The following ANK3 variants were observed in gnomAD, a reference collection of about 807,000 sequenced individuals.
The protein encoded by ANK3 is ankyrin 3.
A neutral mutation model predicts 370.9 loss-of-function variants in ANK3; 57 were observed. The observed-to-expected ratio is 0.15, with a 90% CI of 0.12 to 0.19. The LOEUF is 0.19. Ranked by LOEUF, ANK3 falls within the 10% of genes least tolerant of loss-of-function variation. The probability of loss-of-function intolerance (pLI) is 1.00; values close to 1 mark genes in which losing one functional copy is unlikely to be tolerated. For synonymous variants in ANK3, 1,929 were observed against 1,946.3 expected (o/e 0.99, Z 0.23); for missense variants, 4,439 against 5,302.1 (o/e 0.84, Z 5.06).
chr10:60,368,511 G>A (rs1370298783), intron 1 of ANK3, among the ~76,000 whole-genome samples: 1 of 152,068 alleles, frequency 6.6e-6, no homozygotes, highest in Non-Finnish European at 1.5e-5. Flanking sequence ...TACATGTATT[G>A]ATCATCTACG....
intron 14 of ANK3, among the ~76,000 whole-genome samples, chr10:60,197,058 G>A (rs1297605394): frequency 6.6e-6 from 1 of 152,074 alleles, no homozygotes; most frequent in Non-Finnish European, 1.5e-5. Context: ...AAAATCCAGG[G>A]CAAGTCTGAA....
intron 2 of ANK3, among the ~76,000 whole-genome samples, chr10:60,447,484 T>C (rs1275141990): frequency 6.6e-6 from 1 of 152,160 alleles, no homozygotes; most frequent in Non-Finnish European, 1.5e-5. Flanking sequence ...GGGTCCGTGC[T>C]ACTCCAGTAG....
At chr10:60,651,965 GA>G (rs999062473) in intron 1 of ANK3, among the ~76,000 whole-genome samples, 12 of 152,088 alleles carry the variant, frequency 7.9e-5, no homozygotes, top group African/African-American at 2.6e-4. Flanking sequence ...ATAATTTTAA[GA>G]AAAAAATATT....
intron 1 of ANK3, among the ~76,000 whole-genome samples, chr10:60,650,796 T>C (rs545237401): frequency 6.6e-6 from 1 of 152,302 alleles, no homozygotes; most frequent in South Asian, 2.1e-4. Flanking sequence ...AAATATTATG[T>C]ATCTGGGCCC....
rs557736147 is a variant in ANK3, at chr10:60,359,978, A to G, written c.114+29447T>C. On this transcript the variant is annotated intron_variant, in intron 1 of 43. Transcript: ENST00000280772. The stretch of plus-strand genomic sequence containing the variant: ...TCTACTATTCGTTTCTAAAATTTCT[A>G]TTTGGCATCAGTACTCTCCAAACTT... Among the ~76,000 whole-genome samples, 10 of 152,360 alleles carry G rather than the reference A, an allele frequency of 6.6e-5. No homozygotes were observed. In the East Asian group the frequency reaches 1.9e-3, roughly 29 times the overall value.
At chr10:60,318,837 T>G (rs1357724718) in intron 1 of ANK3, among the ~76,000 whole-genome samples, 1 of 152,202 alleles carries the variant, frequency 6.6e-6, no homozygotes, top group Non-Finnish European at 1.5e-5. Flanking sequence ...CTTAAATAAC[T>G]GGATTAGAAA....
intron 8 of ANK3, among the ~76,000 whole-genome samples, chr10:60,224,885 C>T (rs2097113967): frequency 6.6e-6 from 1 of 150,928 alleles, no homozygotes; most frequent in Non-Finnish European, 1.5e-5. Context: ...TAGCTAAGCT[C>T]TTTTCTTTTC....
intron 1 of ANK3, among the ~76,000 whole-genome samples, chr10:60,351,418 T>G (rs536821480): frequency 6.6e-6 from 1 of 152,288 alleles, no homozygotes; most frequent in South Asian, 2.1e-4. Flanking sequence ...AACGTACATC[T>G]GCTGTGTTTA....
At chr10:60,095,645 G>C (rs1317017784) in intron 28 of ANK3, among the ~76,000 whole-genome samples, 1 of 152,094 alleles carries the variant, frequency 6.6e-6, no homozygotes, top group East Asian at 1.9e-4. Context: ...ACCTCTCAAA[G>C]TATTTGGATT....
At chr10:60,576,316 A>T (rs578142278) in intron 2 of ANK3, among the ~76,000 whole-genome samples, 2 of 152,272 alleles carry the variant, frequency 1.3e-5, no homozygotes, top group Admixed American at 6.5e-5. Flanking sequence ...AAATTAAATA[A>T]CTCGCATAAG....
At chr10:60,265,151 T>C (rs1487499304) in intron 5 of ANK3, among the ~76,000 whole-genome samples, 1 of 152,152 alleles carries the variant, frequency 6.6e-6, no homozygotes, top group Admixed American at 6.5e-5. Flanking sequence ...ATATGTACAA[T>C]ACATTATTAC....
chr10:60,287,145 G>C (rs1344479636), intron 1 of ANK3, among the ~76,000 whole-genome samples: 2 of 152,086 alleles, frequency 1.3e-5, no homozygotes, highest in African/African-American at 2.4e-5. Context: ...CCTAGGCTTT[G>C]TCTCCTGTAC....
chr10:60,468,124 A>G (rs1301358748), intron 2 of ANK3, among the ~76,000 whole-genome samples: 1 of 151,542 alleles, frequency 6.6e-6, no homozygotes, highest in African/African-American at 2.4e-5. Flanking sequence ...AGCTGGGATT[A>G]CAGGCATGCA....
At chr10:60,438,340 T>C (rs1164644867) in intron 2 of ANK3, among the ~76,000 whole-genome samples, 1 of 152,076 alleles carries the variant, frequency 6.6e-6, no homozygotes, top group African/African-American at 2.4e-5. Context: ...TTGTCTGAAA[T>C]AATACAGCCT....
intron 2 of ANK3, among the ~76,000 whole-genome samples, chr10:60,453,299 A>G (rs1024746710): frequency 6.6e-6 from 1 of 152,156 alleles, no homozygotes; most frequent in Non-Finnish European, 1.5e-5. Context: ...GGCTCTTTTC[A>G]CCCTCTTTCA....
chr10:60,591,842 T>A (rs561165236), intron 2 of ANK3, among the ~76,000 whole-genome samples: 1 of 152,278 alleles, frequency 6.6e-6, no homozygotes, highest in Admixed American at 6.5e-5. Context: ...AAATATTACA[T>A]GTTCTCACTA....
chr10:60,042,575 A>T, intron 43 of ANK3, 97 bp downstream of exon 43: 1 of 1,214,544 alleles, frequency 8.2e-7, no homozygotes, highest in Non-Finnish European at 1.2e-6. Context: ...TTCAGTGAAA[A>T]GGAAAGGACG....
At chr10:60,719,310 GT>G (rs1328693373) in intron 1 of ANK3, among the ~76,000 whole-genome samples, 1 of 151,932 alleles carries the variant, frequency 6.6e-6, no homozygotes. Context: ...AAGCATCCTT[GT>G]AAATATTAAT....
At chr10:60,257,236 A>G (rs969510072) in intron 7 of ANK3, among the ~76,000 whole-genome samples, 10 of 152,206 alleles carry the variant, frequency 6.6e-5, no homozygotes, top group Admixed American at 5.2e-4. Context: ...AGGGTTCTGA[A>G]TGTGGTCCAA....
Sources: gnomAD v4.1 joint callset for allele counts (sites outside exome capture counted in the v4.1 genomes callset) on GRCh38, gnomAD v4.1.1 for gene constraint, MANE v1.5 for transcripts, NCBI Gene and HGNC (gene_info 2026-07-23, HGNC 2026-07-21) for gene names.